PRKG1: variants seen among roughly 807,000 people sequenced by gnomAD.
The protein encoded by PRKG1 is cGMP-dependent protein kinase 1.
PRKG1 carries 35 observed loss-of-function variants against 88.1 expected under a neutral mutation model. The ratio of observed to expected loss-of-function variants is 0.40; its 90% CI spans 0.30 to 0.53. The LOEUF (loss-of-function observed/expected upper bound fraction) is 0.53. Ranked by LOEUF, PRKG1 falls within the 20% of genes least tolerant of loss-of-function variation. PRKG1 has a pLI of 0.59. For synonymous variants in PRKG1, 303 were observed against 292.5 expected, an observed-to-expected ratio of 1.04 and a Z score of -0.37; for missense variants, 540 against 839.8, an observed-to-expected ratio of 0.64 and a Z score of 4.41.
intron 2 of PRKG1, among the ~76,000 whole-genome samples, chr10:51,203,808 T>C (rs539292900): frequency 8.5e-5 from 13 of 152,370 alleles, no homozygotes; most frequent in South Asian, 4.1e-4. Flanking sequence ...TAGTAGACTT[T>C]ACTCTTGCTG....
intron 1 of PRKG1, among the ~76,000 whole-genome samples, chr10:51,067,435 C>A (rs1291373661): frequency 1.3e-5 from 2 of 151,940 alleles, no homozygotes; most frequent in African/African-American, 4.8e-5. Flanking sequence ...AGGGTCTAAC[C>A]AGTGGAAACT....
At position 51,819,363 on chromosome 10, in the gene PRKG1, C is replaced by T. The variant is rs370489321; in HGVS notation, c.698+14673C>T. Among the ~76,000 whole-genome samples the T allele has an allele frequency of 4.7e-4, 71 of 152,256 alleles. No homozygotes were observed. In the South Asian group the frequency reaches 0.013, roughly 29 times the overall value. On this transcript the variant is annotated intron_variant, in intron 4 of 17. Coordinates refer to ENST00000373980, the MANE Select transcript of PRKG1 (RefSeq NM_006258.4). ...ATTCATAAGGGATTCACTCCCATAACCCAAATACCTCCCATTAGGCCCCAC... is the reference window on the plus strand; with the variant it reads ...ATTCATAAGGGATTCACTCCCATAATCCAAATACCTCCCATTAGGCCCCAC...
intron 2 of PRKG1, among the ~76,000 whole-genome samples, chr10:51,264,842 G>C (rs1435295985): frequency 6.6e-6 from 1 of 152,110 alleles, no homozygotes. Flanking sequence ...GAACAGTTTT[G>C]CATATATTTG....
chr10:51,098,215 C>T lies in PRKG1; in HGVS notation c.311+23314C>T, dbSNP rs114809845. Reference sequence around the variant, plus strand: ...CAGCTGCGTTTGAATTCAGGCTTTACCACTTTCTAGTTGTAAGTTCCTGGA... The same window carrying T: ...CAGCTGCGTTTGAATTCAGGCTTTATCACTTTCTAGTTGTAAGTTCCTGGA... On this transcript the variant is annotated intron_variant, in intron 1 of 17. Coordinates refer to ENST00000373980, the MANE Select transcript of PRKG1 (RefSeq NM_006258.4). 3.1e-3 allele frequency among the ~76,000 whole-genome samples: 474 copies of T among 152,250 alleles called. 3 individuals carry two copies. The highest frequency in any genetic ancestry group is 0.011 in the African/African-American group (453 of 41,538).
intron 3 of PRKG1, among the ~76,000 whole-genome samples, chr10:51,607,642 G>A (rs1479931815): frequency 1.3e-5 from 2 of 152,174 alleles, no homozygotes; most frequent in East Asian, 1.9e-4. Context: ...TTAGTGGCCC[G>A]AAGCCAGTTG....
At chr10:51,916,907 T>C (rs140862011) in intron 5 of PRKG1, among the ~76,000 whole-genome samples, 253 of 152,256 alleles carry the variant, frequency 1.7e-3, no homozygotes, top group Admixed American at 3.1e-3. Context: ...GTTAAGTAAA[T>C]AAAAGTAAAA....
intron 2 of PRKG1, among the ~76,000 whole-genome samples, chr10:51,186,748 G>A (rs1342053685): frequency 6.6e-6 from 1 of 151,634 alleles, no homozygotes. Flanking sequence ...TTAGCTGTAT[G>A]TCTGCATTTT....
chr10:51,110,978 G>GT (rs1487185281), intron 1 of PRKG1, among the ~76,000 whole-genome samples: 1 of 152,152 alleles, frequency 6.6e-6, no homozygotes, highest in Non-Finnish European at 1.5e-5. Context: ...AAAGGGGAGA[G>GT]TTTTTTGTCA....
At chr10:51,824,132 C>T (rs1186046108) in intron 4 of PRKG1, among the ~76,000 whole-genome samples, 1 of 152,038 alleles carries the variant, frequency 6.6e-6, no homozygotes, top group Non-Finnish European at 1.5e-5. Flanking sequence ...CTTTGGCCTC[C>T]CAAAGTTCTA....
intron 4 of PRKG1, among the ~76,000 whole-genome samples, chr10:51,903,012 G>C (rs978791331): frequency 2.6e-5 from 4 of 152,024 alleles, no homozygotes; most frequent in African/African-American, 9.7e-5. Context: ...TGTTTTTATT[G>C]ACACATGCTT....
At chr10:51,562,331 C>G (rs548206008) in intron 3 of PRKG1, among the ~76,000 whole-genome samples, 1 of 152,032 alleles carries the variant, frequency 6.6e-6, no homozygotes, top group East Asian at 1.9e-4. Flanking sequence ...TATAAAGAGG[C>G]TGAGAGATAA....
At chr10:51,294,990 G>A (rs2132228511) in intron 2 of PRKG1, among the ~76,000 whole-genome samples, 1 of 152,234 alleles carries the variant, frequency 6.6e-6, no homozygotes, top group East Asian at 1.9e-4. Flanking sequence ...GACTGAGGGG[G>A]GAGGATTGCT....
At chr10:51,828,411 T>C (rs906877825) in intron 4 of PRKG1, among the ~76,000 whole-genome samples, 9 of 152,158 alleles carry the variant, frequency 5.9e-5, no homozygotes, top group African/African-American at 1.9e-4. Context: ...TCTTCCTGTG[T>C]TACTGAGCAA....
At chr10:51,065,864 T>C (rs1190512539) in intron 1 of PRKG1, among the ~76,000 whole-genome samples, 1 of 152,126 alleles carries the variant, frequency 6.6e-6, no homozygotes, top group Non-Finnish European at 1.5e-5. Flanking sequence ...GGGTTAGTGT[T>C]AGGGTTAGAA....
At chr10:51,984,035 G>C (rs1364169114) in intron 5 of PRKG1, among the ~76,000 whole-genome samples, 1 of 152,234 alleles carries the variant, frequency 6.6e-6, no homozygotes, top group Admixed American at 6.5e-5. Context: ...GGAACTCACA[G>C]TCACTTACGT....
chr10:52,225,569 A>G (rs1840368175), intron 9 of PRKG1, among the ~76,000 whole-genome samples: 1 of 152,180 alleles, frequency 6.6e-6, no homozygotes, highest in Non-Finnish European at 1.5e-5. Flanking sequence ...GCCTAAGCCA[A>G]TGTCTAGAAG....
chr10:51,524,233 T>C (rs1841816382), intron 3 of PRKG1, among the ~76,000 whole-genome samples: 1 of 152,202 alleles, frequency 6.6e-6, no homozygotes, highest in African/African-American at 2.4e-5. Context: ...CTTTTCTTTA[T>C]TATGCAATCT....
chr10:51,219,822 AG>A (rs1347341204), intron 2 of PRKG1, among the ~76,000 whole-genome samples: 3 of 152,164 alleles, frequency 2.0e-5, no homozygotes, highest in Non-Finnish European at 4.4e-5. Flanking sequence ...TGGATATCTA[AG>A]GTTTCCTGTC....
chr10:51,493,595 C>T (rs570850111), intron 3 of PRKG1, among the ~76,000 whole-genome samples: 80 of 152,168 alleles, frequency 5.3e-4, no homozygotes, highest in Middle Eastern at 3.4e-3. Flanking sequence ...CAAGATTCTT[C>T]GCTTGGATTG....
Sources: gnomAD v4.1 joint callset for allele counts (sites outside exome capture counted in the v4.1 genomes callset) on GRCh38, gnomAD v4.1.1 for gene constraint, MANE v1.5 for transcripts, NCBI Gene and HGNC (gene_info 2026-07-23, HGNC 2026-07-21) for gene names.